MAGI2: variants seen among roughly 807,000 people sequenced by gnomAD.
MAGI2 encodes membrane-associated guanylate kinase, WW and PDZ domain-containing protein 2.
MAGI2 carries 35 observed loss-of-function variants against 133.3 expected under a neutral mutation model. The observed-to-expected ratio is 0.26, with a 90% CI of 0.20 to 0.35. The LOEUF (loss-of-function observed/expected upper bound fraction) is 0.35, where lower values mean the gene tolerates loss of function less well. Among genes scored for constraint, MAGI2 ranks in the 10% least tolerant of loss-of-function variants. The probability of loss-of-function intolerance (pLI) is 1.00; values close to 1 mark genes in which losing one functional copy is unlikely to be tolerated. For synonymous variants in MAGI2, 729 were observed against 710.6 expected (o/e 1.03, Z -0.41); for missense variants, 1,636 against 1,863.4 (o/e 0.88, Z 2.25).
intron 3 of MAGI2, chr7:78,554,640 G>A (rs921573365): frequency 6.6e-6 from 1 of 152,132 alleles, no homozygotes; most frequent in Non-Finnish European, 1.5e-5. Flanking sequence ...CCTGAAGCAG[G>A]TCATAGGACC....
chr7:79,211,453 CTTTT>C (rs1829488726), intron 1 of MAGI2, among the ~76,000 whole-genome samples: 1 of 150,544 alleles, frequency 6.6e-6, no homozygotes, highest in South Asian at 2.1e-4. Flanking sequence ...TATTTTCTTT[CTTTT>C]TCTTTTTTGT....
chr7:78,301,370 C>T (rs1797807142), intron 9 of MAGI2, among the ~76,000 whole-genome samples: 1 of 152,168 alleles, frequency 6.6e-6, no homozygotes, highest in Non-Finnish European at 1.5e-5. Flanking sequence ...ATGTCTCTGA[C>T]ACAAACGCTC....
intron 2 of MAGI2, among the ~76,000 whole-genome samples, chr7:78,893,577 G>T (rs548223233): frequency 2.4e-4 from 36 of 152,286 alleles, no homozygotes; most frequent in African/African-American, 8.4e-4. Context: ...CATGTCCTTT[G>T]TAGGGACCTG....
At chr7:79,057,590 T>C (rs868247932) in intron 1 of MAGI2, among the ~76,000 whole-genome samples, 35 of 152,354 alleles carry the variant, frequency 2.3e-4, no homozygotes, top group South Asian at 1.2e-3. Flanking sequence ...TGCACACTTC[T>C]CTCAGCCCTT....
At chr7:78,579,232 T>C (rs539826999) in intron 3 of MAGI2, among the ~76,000 whole-genome samples, 2 of 152,344 alleles carry the variant, frequency 1.3e-5, no homozygotes, top group African/African-American at 4.8e-5. Context: ...AGCACTAATC[T>C]TAATCACAGC....
chr7:79,270,316 A>G (rs375471335), intron 1 of MAGI2, among the ~76,000 whole-genome samples: 1 of 152,138 alleles, frequency 6.6e-6, no homozygotes, highest in South Asian at 2.1e-4. Context: ...CTTTACTGCA[A>G]TGCCACAGTC....
intron 2 of MAGI2, among the ~76,000 whole-genome samples, chr7:78,658,896 T>C (rs1812602179): frequency 6.6e-6 from 1 of 152,066 alleles, no homozygotes; most frequent in Non-Finnish European, 1.5e-5. Context: ...AAATTGATCG[T>C]TCTCTAAACA....
chr7:79,008,394 G>A (rs566823194), intron 1 of MAGI2, among the ~76,000 whole-genome samples: 2 of 152,084 alleles, frequency 1.3e-5, no homozygotes, highest in Non-Finnish European at 2.9e-5. Flanking sequence ...CATTTCTAAA[G>A]TTTTCAAAAT....
chr7:78,830,151 A>G (rs1791016933), intron 2 of MAGI2, among the ~76,000 whole-genome samples: 1 of 152,138 alleles, frequency 6.6e-6, no homozygotes, highest in Non-Finnish European at 1.5e-5. Context: ...ATTTTATAGC[A>G]GTTCAAAGTT....
At chr7:78,312,329 C>G (rs942896748) in intron 9 of MAGI2, among the ~76,000 whole-genome samples, 7 of 151,884 alleles carry the variant, frequency 4.6e-5, no homozygotes, top group Non-Finnish European at 1.0e-4. Flanking sequence ...GAACATCAAA[C>G]CTAAACTTCT....
intron 2 of MAGI2, among the ~76,000 whole-genome samples, chr7:78,922,122 ATTCT>A (rs71095367): frequency 0.022 from 3,204 of 146,224 alleles, 54 homozygotes; most frequent in Non-Finnish European, 0.033. Flanking sequence ...AGTACACTTG[ATTCT>A]TTCTTTCTTT....
rs533511025 is a variant in MAGI2 at position 78,416,102 on chromosome 7, G to A, written c.1046-46889C>T. Among the ~76,000 whole-genome samples, 22 of 152,238 alleles carry A rather than the reference G, an allele frequency of 1.4e-4. 1 individual carries two copies. Among genetic ancestry groups the A allele is most frequent in the South Asian group, 6.2e-4 (3 of 4,816 alleles). ...GAACTGGCCAATGTGTGGTGACAGC[G>A]AAGGTCTGAAGCAACAACATCAAGG... On this transcript the variant is annotated intron_variant, in intron 6 of 21. Transcript: ENST00000354212.
At chr7:78,770,482 C>A (rs1451637630) in intron 2 of MAGI2, among the ~76,000 whole-genome samples, 5 of 152,208 alleles carry the variant, frequency 3.3e-5, no homozygotes. Flanking sequence ...AATGCCAAGT[C>A]AGCAGATATC....
At chr7:78,602,798 A>G (rs889658861) in intron 3 of MAGI2, among the ~76,000 whole-genome samples, 4 of 152,194 alleles carry the variant, frequency 2.6e-5, no homozygotes, top group African/African-American at 4.8e-5. Flanking sequence ...CACCAAATAT[A>G]TTATTAGAAA....
chr7:78,732,396 T>A (rs971164723), intron 2 of MAGI2, among the ~76,000 whole-genome samples: 1 of 152,176 alleles, frequency 6.6e-6, no homozygotes, highest in Admixed American at 6.5e-5. Flanking sequence ...TAGGAAAGCC[T>A]ATGATATCAG....
Position 79,377,944 on chromosome 7 carries a change from T to C in MAGI2, c.301+75076A>G, listed in dbSNP as rs1034798811. Among the ~76,000 whole-genome samples, 4 of 151,954 alleles carry C rather than the reference T, an allele frequency of 2.6e-5. No homozygotes were observed. In the East Asian group the frequency reaches 5.8e-4, roughly 22 times the overall value. On this transcript the variant is annotated intron_variant, in intron 1 of 21. Coordinates refer to ENST00000354212, the MANE Select transcript of MAGI2 (RefSeq NM_012301.4). ...TATTAATGAATGCACAAAGTTCTAA[T>C]GTGTGTCAAAAAATACAGTTCATTA...
intron 1 of MAGI2, among the ~76,000 whole-genome samples, chr7:79,299,979 C>T (rs974638004): frequency 6.6e-6 from 1 of 152,148 alleles, no homozygotes; most frequent in Non-Finnish European, 1.5e-5. Flanking sequence ...TGAGACCCCC[C>T]TAGAGGCAGC....
intron 1 of MAGI2, among the ~76,000 whole-genome samples, chr7:79,243,543 A>C (rs1043815484): frequency 6.6e-6 from 1 of 152,212 alleles, no homozygotes; most frequent in Non-Finnish European, 1.5e-5. Context: ...GGTTAAAAAT[A>C]TGATCTCCAG....
chr7:78,550,887 G>T (rs1377196267), intron 3 of MAGI2, among the ~76,000 whole-genome samples: 43 of 151,940 alleles, frequency 2.8e-4, no homozygotes, highest in Admixed American at 2.3e-3. Context: ...GAATTATACA[G>T]AACTTCTTCT....
Sources: allele counts gnomAD v4.1 joint callset (sites outside exome capture counted in the v4.1 genomes callset), GRCh38; gene constraint gnomAD v4.1.1; transcripts MANE v1.5; gene names NCBI Gene and HGNC (gene_info 2026-07-23, HGNC 2026-07-21).